PTK2: variants seen among roughly 807,000 people sequenced by gnomAD.
The protein encoded by PTK2 is protein tyrosine kinase 2.
In PTK2, 45 loss-of-function variants were observed where a neutral mutation model predicts 150.1. The ratio of observed to expected loss-of-function variants is 0.30; its 90% CI spans 0.24 to 0.38. The LOEUF is 0.38. Among genes scored for constraint, PTK2 ranks in the 10% least tolerant of loss-of-function variants. PTK2 has a pLI of 1.00. For synonymous variants in PTK2, 432 were observed against 449.2 expected (o/e 0.96, Z 0.48); for missense variants, 919 against 1,307.3 (o/e 0.70, Z 4.58).
intron 14 of PTK2, among the ~76,000 whole-genome samples, chr8:140,774,202 A>T (rs1271850485): frequency 2.0e-5 from 3 of 152,134 alleles, no homozygotes; most frequent in African/African-American, 7.2e-5. Context: ...CGGTACAGGG[A>T]TTACTCCATA....
At position 140,669,338 on chromosome 8, in the gene PTK2, T is replaced by TAC. The variant is rs1563955848; in HGVS notation, c.2710-915_2710-914insGT. On this transcript the variant is annotated intron_variant, in intron 29 of 31. Transcript: ENST00000522684. ...ATATATATATATATATATATATATA[T>TAC]ATACACTTTTTAAAAAAGACCAACT... The TAC allele has an allele frequency of 1.5e-3, 199 of 128,832 alleles. 7 individuals carry two copies. Among genetic ancestry groups the TAC allele is most frequent in the African/African-American group, 5.6e-3 (188 of 33,438 alleles). 8.0% of individuals were successfully genotyped at this position (128,832 alleles called of 1,614,324 possible).
At chr8:140,999,550 T>C (rs2100199185) in intron 1 of PTK2, among the ~76,000 whole-genome samples, 1 of 152,196 alleles carries the variant, frequency 6.6e-6, no homozygotes, top group African/African-American at 2.4e-5. Flanking sequence ...CTTTTCTAAT[T>C]AATTGGCTAG....
At chr8:140,909,445 G>C (rs1383400286) in intron 2 of PTK2, 1 of 152,142 alleles carries the variant, frequency 6.6e-6, no homozygotes, top group East Asian at 1.9e-4. Context: ...TCTAATATTT[G>C]AGCCTACAAC....
At position 140,722,590 on chromosome 8, in the gene PTK2, C is replaced by T. The variant is rs1375817187; in HGVS notation, c.2031-4881G>A. Among the ~76,000 whole-genome samples the T allele has an allele frequency of 1.1e-4, 16 of 152,208 alleles. No individual in the cohort carries two copies. In the South Asian group the frequency reaches 2.1e-3, roughly 20 times the overall value. Reference sequence around the variant, plus strand: ...GCCCCTGTTCTCTCAACTGGCCAAACAGGAAAGGACCTGCGAATGGTCACT... The same window carrying T: ...GCCCCTGTTCTCTCAACTGGCCAAATAGGAAAGGACCTGCGAATGGTCACT... On this transcript the variant is annotated intron_variant, in intron 22 of 31. Transcript: ENST00000522684.
intron 25 of PTK2, 103 bp from the exon 29 acceptor site, chr8:140,701,125 G>T: frequency 1.5e-6 from 2 of 1,312,612 alleles, no homozygotes; most frequent in Non-Finnish European, 2.0e-6. Flanking sequence ...AAAACAGCAA[G>T]TATGAGAAAC....
chr8:140,789,516 T>C, exon 14 of PTK2: 1 of 1,613,438 alleles, frequency 6.2e-7, no homozygotes. Context: ...TGCTTTTCGC[T>C]GTTGGCCAAC....
chr8:140,699,667 G>T (rs569743038), intron 26 of PTK2, among the ~76,000 whole-genome samples: 5 of 152,200 alleles, frequency 3.3e-5, no homozygotes, highest in African/African-American at 9.6e-5. Context: ...ATGGAAGCAG[G>T]AGTTGTTTCT....
intron 5 of PTK2, among the ~76,000 whole-genome samples, chr8:140,847,654 C>T (rs542889511): frequency 1.3e-5 from 2 of 152,260 alleles, no homozygotes; most frequent in Admixed American, 6.5e-5. Context: ...TTTATCAACA[C>T]AAAAATTTGT....
At chr8:140,766,513 C>G (rs1395342060) in intron 14 of PTK2, among the ~76,000 whole-genome samples, 2 of 152,190 alleles carry the variant, frequency 1.3e-5, no homozygotes, top group Non-Finnish European at 2.9e-5. Context: ...AATTTTGTTT[C>G]CTGTGAACTG....
chr8:140,867,691 G>A (rs1006553648), intron 4 of PTK2, among the ~76,000 whole-genome samples: 2 of 152,100 alleles, frequency 1.3e-5, no homozygotes, highest in African/African-American at 4.8e-5. Flanking sequence ...CCAAACCCCT[G>A]TGACACGTAG....
At chr8:140,986,183 G>A (rs1171115147) in intron 1 of PTK2, among the ~76,000 whole-genome samples, 5 of 152,152 alleles carry the variant, frequency 3.3e-5, no homozygotes, top group Non-Finnish European at 5.9e-5. Flanking sequence ...CACTTGAAAT[G>A]GGACTAGTGT....
intron 21 of PTK2, among the ~76,000 whole-genome samples, chr8:140,737,875 T>C (rs1035175543): frequency 6.6e-6 from 1 of 152,236 alleles, no homozygotes; most frequent in Non-Finnish European, 1.5e-5. Context: ...GCCTTGGGAT[T>C]TGAACACACA....
Position 140,696,035 on chromosome 8 carries a change from G to A in PTK2, c.2499+4856C>T, listed in dbSNP as rs148603974. On this transcript the variant is annotated intron_variant, in intron 26 of 31. Coordinates refer to ENST00000522684, the Ensembl canonical transcript of PTK2. ...GACACCAATGCTATGATTCCTGTCC[G>A]GGACTCCTCCTTCCTCTGGGCCTCT... Among the ~76,000 whole-genome samples, 41 of 152,092 alleles carry A rather than the reference G, an allele frequency of 2.7e-4. No individual in the cohort carries two copies. In the East Asian group the frequency reaches 5.8e-3, roughly 22 times the overall value.
intron 1 of PTK2, among the ~76,000 whole-genome samples, chr8:140,952,705 C>T (rs2100179914): frequency 6.6e-6 from 1 of 152,092 alleles, no homozygotes; most frequent in Admixed American, 6.5e-5. Flanking sequence ...ACAAAATGCC[C>T]ACAAAAGAGA....
At chr8:140,728,253 T>C (rs994586109) in intron 22 of PTK2, among the ~76,000 whole-genome samples, 2 of 151,582 alleles carry the variant, frequency 1.3e-5, no homozygotes, top group Admixed American at 6.6e-5. Context: ...CCCAAGGATA[T>C]TAAGTGGTGG....
At chr8:140,965,188 C>G (rs1353755024) in intron 1 of PTK2, among the ~76,000 whole-genome samples, 1 of 152,220 alleles carries the variant, frequency 6.6e-6, no homozygotes, top group Non-Finnish European at 1.5e-5. Flanking sequence ...ACTCTCTAGT[C>G]TAAAGTCTCT....
At position 140,820,076 on chromosome 8, in the gene PTK2, G is replaced by GTTTTTTTTTTTTTTTTTTTT. The variant is rs370537018; in HGVS notation, c.649-1076_649-1057dup. ...AGAGGAGTGACTTTATCTGACTTTG[G>GTTTTTTTTTTTTTTTTTTTT]TTTTTTTTTTTTTTTTTTTTTTTTT... On this transcript the variant is annotated intron_variant, in intron 8 of 31. Transcript: ENST00000522684. Among the ~76,000 whole-genome samples the GTTTTTTTTTTTTTTTTTTTT allele has an allele frequency of 1.2e-4, 6 of 50,252 alleles. 1 individual carries two copies. Among genetic ancestry groups the GTTTTTTTTTTTTTTTTTTTT allele is most frequent in the Admixed American group, 6.1e-4 (2 of 3,280 alleles). The allele number at this position is 50,252 out of a possible 152,430, so 33.0% of individuals were successfully genotyped here. A position where few individuals can be genotyped will look rare whatever the true frequency, so the allele number is the denominator to read the frequency against.
chr8:140,814,941 A>AT (rs1308398165), intron 10 of PTK2, among the ~76,000 whole-genome samples: 1 of 151,984 alleles, frequency 6.6e-6, no homozygotes, highest in Non-Finnish European at 1.5e-5. Context: ...CGCCCAGCTG[A>AT]TTTTTTGTAT....
intron 14 of PTK2, among the ~76,000 whole-genome samples, chr8:140,774,971 A>C (rs1370163308): frequency 6.6e-6 from 1 of 152,234 alleles, no homozygotes; most frequent in Non-Finnish European, 1.5e-5. Flanking sequence ...TTTAGAATAT[A>C]ATCAAGAAAT....
Sources: allele counts gnomAD v4.1 joint callset (sites outside exome capture counted in the v4.1 genomes callset), GRCh38; gene constraint gnomAD v4.1.1; transcripts MANE v1.5; gene names NCBI Gene and HGNC (gene_info 2026-07-23, HGNC 2026-07-21).